CMTR1: variants seen among roughly 807,000 people sequenced by gnomAD.
The protein encoded by CMTR1 is cap-specific mRNA (nucleoside-2'-O-)-methyltransferase 1.
Under a neutral mutation model 107.0 loss-of-function variants are expected in CMTR1, and 39 were observed. The observed-to-expected ratio is 0.36, with a 90% CI of 0.28 to 0.48. CMTR1 has a LOEUF of 0.48. Among genes scored for constraint, CMTR1 ranks in the 20% least tolerant of loss-of-function variants. The pLI is 0.99. For synonymous variants in CMTR1, 366 were observed against 379.5 expected (o/e 0.96, Z 0.41); for missense variants, 672 against 1,064.9 (o/e 0.63, Z 5.14).
rs756351825 is a variant in CMTR1 at position 37,444,029 on chromosome 6, G to A, written c.164G>A (p.Ser55Asn). The A allele has an allele frequency of 1.1e-5, 17 of 1,614,000 alleles. No homozygotes were observed. The South Asian group carries it at 1.4e-4, about 14-fold the overall frequency. The change falls in exon 3 of 24, where the codon AGT becomes AAT. Residue 55 changes from serine (S) to asparagine (N), a missense_variant. By Grantham distance (46) the Ser-to-Asn change is conservative. Around this residue, in one of 2 missense-constraint regions of CMTR1, gnomAD observed 89 missense variants for 96.6 expected, o/e 0.92. Coordinates refer to ENST00000373451, the MANE Select transcript of CMTR1 (RefSeq NM_015050.3). ...ASTTSLSGSD[S>N]ETEGKQHSSD... ...ACTACAAGCCTTAGTGGGTCTGATA[G>A]TGAGACCGAGGGGAAACAACACAGC...
At chr6:37,473,705 A>T in intron 17 of CMTR1, 104 bp downstream of exon 17, 1 of 1,367,920 alleles carries the variant, frequency 7.3e-7, no homozygotes, top group Non-Finnish European at 9.9e-7. Flanking sequence ...TCTTGGCATT[A>T]AGTAGCTGTT....
At position 37,435,840 on chromosome 6, in the gene CMTR1, A is replaced by G; in HGVS notation, c.133+78A>G. Reference sequence around the variant, plus strand: ...ACAGTGTCTAATCTAGGTGGAGCAGACTATAGTCCACTGCCCCTTGGTCCC... The same window carrying G: ...ACAGTGTCTAATCTAGGTGGAGCAGGCTATAGTCCACTGCCCCTTGGTCCC... On this transcript the variant is annotated intron_variant, in intron 2 of 23. Transcript: ENST00000373451. The G allele has an allele frequency of 2.8e-6, 4 of 1,421,642 alleles. No individual in the cohort carries two copies. The East Asian group carries it at 1.1e-4, about 38-fold the overall frequency. 88.1% of individuals were successfully genotyped at this position (1,421,642 alleles called of 1,614,324 possible). A position where few individuals can be genotyped will look rare whatever the true frequency, so the allele number is the denominator to read the frequency against.
intron 2 of CMTR1, among the ~76,000 whole-genome samples, chr6:37,437,388 G>A (rs764177455): frequency 2.9e-4 from 44 of 151,702 alleles, no homozygotes; most frequent in Non-Finnish European, 5.2e-4. Flanking sequence ...GTAGCCGGGC[G>A]TGGTGGCAGG....
Position 37,459,754 on chromosome 6 carries a change from T to C in CMTR1, c.1095+70T>C. The C allele has an allele frequency of 1.7e-5, 19 of 1,086,678 alleles. No individual in the cohort carries two copies. In the South Asian group the frequency reaches 2.4e-4, roughly 14 times the overall value. The allele number at this position is 1,086,678 out of a possible 1,614,324, so 67.3% of individuals were successfully genotyped here. On this transcript the variant is annotated intron_variant, in intron 10 of 23. Coordinates refer to ENST00000373451, the MANE Select transcript of CMTR1 (RefSeq NM_015050.3). ...ATTTTAGAGGTTTGAGAATTGTTTG[T>C]TTTATCTGGTTCTTTAGCTGCTCCC...
chr6:37,464,822 T>C (rs983949446), intron 13 of CMTR1, among the ~76,000 whole-genome samples: 2 of 152,184 alleles, frequency 1.3e-5, no homozygotes, highest in African/African-American at 4.8e-5. Context: ...GGTAAATACC[T>C]GAGTGGGAAA....
chr6:37,458,559 C>T lies in CMTR1; in HGVS notation c.778-53C>T. On this transcript the variant is annotated intron_variant, in intron 8 of 23. Transcript: ENST00000373451. This position sits in a 1 kb window ranked among gnomAD's most constrained non-coding sequence, Gnocchi z 4.7. ...CTCCCTGCATTCTCCTTCCTGTTGCCCATTGAGCTGTCTTGTTTTCCTTCC... is the reference window on the plus strand; with the variant it reads ...CTCCCTGCATTCTCCTTCCTGTTGCTCATTGAGCTGTCTTGTTTTCCTTCC... 6.4e-7 allele frequency: 1 copy of T among 1,563,816 alleles called. No individual in the cohort carries two copies. Among genetic ancestry groups the T allele is most frequent in the Non-Finnish European group, 8.8e-7 (1 of 1,141,256 alleles).
Position 37,444,082 on chromosome 6 carries a change from G to A in CMTR1, c.217G>A (p.Ala73Thr), listed in dbSNP as rs1771730508. 1 of 1,614,090 alleles carries A rather than the reference G, an allele frequency of 6.2e-7. No homozygotes were observed. Residue 73 changes from alanine (A) to threonine (T), a missense_variant, in exon 3 of 24, where the codon GCA becomes ACA. Physicochemically the swap from Ala to Thr is moderately conservative, Grantham distance 58. Transcript: ENST00000373451. The part of the protein sequence containing the change: ...SSDSFDDAFK[A>T]DSLVEGTSSR... ...TGACTCTTTTGACGATGCATTCAAA[G>A]CAGACTCTCTTGTGGAAGGAACTTC...
At chr6:37,475,595 G>C in intron 19 of CMTR1, 183 bp downstream of exon 19, 1 of 610,026 alleles carries the variant, frequency 1.6e-6, no homozygotes, top group Middle Eastern at 4.4e-4. Context: ...TGCCACTTCA[G>C]AGTTTGCTAG....
chr6:37,435,690 G>A lies in CMTR1; in HGVS notation c.61G>A (p.Ala21Thr). 2 of 1,603,394 alleles carry A rather than the reference G, an allele frequency of 1.2e-6. No individual in the cohort carries two copies. The highest frequency in any genetic ancestry group is 1.7e-6 in the Non-Finnish European group (2 of 1,175,936). ...APIKKQKKRV[A>T]ELALSLSSTS... is the part of the protein sequence containing the mutation. The stretch of plus-strand genomic sequence containing the variant: ...CATCAAGAAACAGAAAAAAAGAGTT[G>A]CAGAGCTTGCCCTGAGCCTCAGCTC... The change falls in exon 2 of 24, where the codon GCA becomes ACA. Residue 21 changes from alanine (A) to threonine (T), a missense_variant. Ala to Thr is a moderately conservative substitution (Grantham distance 58). Coordinates refer to ENST00000373451, the MANE Select transcript of CMTR1 (RefSeq NM_015050.3).
At chr6:37,445,263 T>G (rs1238986075) in intron 3 of CMTR1, among the ~76,000 whole-genome samples, 1 of 152,152 alleles carries the variant, frequency 6.6e-6, no homozygotes, top group Non-Finnish European at 1.5e-5. Flanking sequence ...GTAATACCCC[T>G]TTCAGAGGGA....
In CMTR1 at chr6:37,453,066, A is replaced by T. The variant is rs767969668; in HGVS notation, c.629A>T (p.Asp210Val). The change falls in exon 7 of 24, where the codon GAT (aspartate) becomes GTT (valine). Residue 210 changes from aspartate (D) to valine (V), a missense_variant. Asp to Val is a radical substitution (Grantham distance 152). Around this residue, in one of 2 missense-constraint regions of CMTR1, gnomAD observed 583 missense variants for 968.4 expected, o/e 0.60. Coordinates refer to ENST00000373451, the MANE Select transcript of CMTR1 (RefSeq NM_015050.3). ...LQCKSVFDVL[D>V]GEEMRRARTR... ...GGGCAGAGCGTGTTTGATGTCTTGGATGGGGAAGAGATGCGGCGAGCTCGG... is the reference window on the plus strand; with the variant it reads ...GGGCAGAGCGTGTTTGATGTCTTGGTTGGGGAAGAGATGCGGCGAGCTCGG... 5.0e-6 allele frequency: 8 copies of T among 1,613,908 alleles called. No homozygotes were observed. The highest frequency in any genetic ancestry group is 6.8e-6 in the Non-Finnish European group (8 of 1,180,004).
At chr6:37,435,183 ACAGT>A (rs1771500801) in intron 1 of CMTR1, among the ~76,000 whole-genome samples, 1 of 152,174 alleles carries the variant, frequency 6.6e-6, no homozygotes, top group Non-Finnish European at 1.5e-5. Flanking sequence ...TGCTGATGAA[ACAGT>A]CATTCTGGGA....
In CMTR1 at chr6:37,480,470, G is replaced by A; in HGVS notation, c.*325G>A. On this transcript the variant is annotated 3_prime_UTR_variant, in exon 24 of 24. Coordinates refer to ENST00000373451, the MANE Select transcript of CMTR1 (RefSeq NM_015050.3). Reference sequence around the variant, plus strand: ...GAGGACATATCAGAGTGGCAGAGCTGTGGGCTCTGCTGTTCTCTCCTGCAT... The same window carrying A: ...GAGGACATATCAGAGTGGCAGAGCTATGGGCTCTGCTGTTCTCTCCTGCAT... The A allele has an allele frequency of 4.3e-6, 5 of 1,162,444 alleles. No individual in the cohort carries two copies. The highest frequency in any genetic ancestry group is 5.3e-6 in the Non-Finnish European group (5 of 940,956). 72.0% of individuals were successfully genotyped at this position (1,162,444 alleles called of 1,614,324 possible).
At chr6:37,464,248 G>A (rs928535280) in intron 13 of CMTR1, among the ~76,000 whole-genome samples, 3 of 151,888 alleles carry the variant, frequency 2.0e-5, no homozygotes, top group African/African-American at 7.3e-5. Context: ...GATGGATCAC[G>A]AGATCCGGAG....
intron 13 of CMTR1, among the ~76,000 whole-genome samples, chr6:37,469,195 A>G (rs990876601): frequency 2.0e-5 from 3 of 151,826 alleles, no homozygotes; most frequent in Admixed American, 6.6e-5. Context: ...TTTGAAGGAT[A>G]TTTTCACTGG....
Position 37,471,106 on chromosome 6 carries a change from C to A in CMTR1, c.1562+29C>A, listed in dbSNP as rs984174113. ...AGTGTTGCCCACTTTTCAGAAACCA[C>A]CTATTTCAAGGGAAGATCTTGCTTT... On this transcript the variant is annotated intron_variant, in intron 14 of 23. Coordinates refer to ENST00000373451, the MANE Select transcript of CMTR1 (RefSeq NM_015050.3). 1.9e-6 allele frequency: 3 copies of A among 1,558,632 alleles called. 1 individual carries two copies. The African/African-American group carries it at 4.1e-5, about 21-fold the overall frequency.
At chr6:37,466,332 C>T (rs113690256) in intron 13 of CMTR1, among the ~76,000 whole-genome samples, 2,348 of 152,054 alleles carry the variant, frequency 0.015, 57 homozygotes, top group African/African-American at 0.053. Flanking sequence ...AGGATGGTCT[C>T]GATCTCTTGG....
chr6:37,429,888 A>G (rs564091969), upstream of CMTR1, among the ~76,000 whole-genome samples: 1 of 152,100 alleles, frequency 6.6e-6, no homozygotes, highest in East Asian at 1.9e-4. Flanking sequence ...CAGTGAGCTG[A>G]GATTGTGCCA....
upstream of CMTR1, among the ~76,000 whole-genome samples, chr6:37,429,349 T>C (rs1477043604): frequency 6.6e-6 from 1 of 152,220 alleles, no homozygotes; most frequent in Admixed American, 6.5e-5. Context: ...CTTTAAATTA[T>C]GGTAAAAAAC....
Sources: gnomAD v4.1 joint callset for allele counts (sites outside exome capture counted in the v4.1 genomes callset) on GRCh38, gnomAD v4.1.1 for gene constraint, gnomAD v4.1.1 regional missense constraint, Gnocchi (gnomAD v3.1) non-coding constraint, MANE v1.5 for transcripts, NCBI Gene and HGNC (gene_info 2026-07-23, HGNC 2026-07-21) for gene names.